Variants in CDH8 observed in about 807,000 individuals in gnomAD.
CDH8 encodes the protein cadherin 8.
A neutral mutation model predicts 68.1 loss-of-function variants in CDH8; 17 were observed. The ratio of observed to expected loss-of-function variants is 0.25; its 90% CI spans 0.17 to 0.37. CDH8 has a LOEUF of 0.37. CDH8 is among the 10% of genes least tolerant of loss of function. The pLI, the probability that CDH8 is intolerant of heterozygous loss-of-function variation, is 1.00. For synonymous variants in CDH8, 372 were observed against 365.1 expected, an observed-to-expected ratio of 1.02 and a Z score of -0.21; for missense variants, 763 against 999.3, an observed-to-expected ratio of 0.76 and a Z score of 3.19.
chr16:61,969,957 G>C (rs994318821), intron 2 of CDH8, among the ~76,000 whole-genome samples: 2 of 152,130 alleles, frequency 1.3e-5, no homozygotes, highest in Non-Finnish European at 2.9e-5. Context: ...TATAATAATG[G>C]TAACCTCCTT....
At chr16:61,779,033 G>C (rs1960971172) in intron 8 of CDH8, among the ~76,000 whole-genome samples, 1 of 152,148 alleles carries the variant, frequency 6.6e-6, no homozygotes, top group Non-Finnish European at 1.5e-5. Flanking sequence ...CCAGAGCAAT[G>C]CATTATCACT....
chr16:61,801,635 G>A (rs1011846274), intron 7 of CDH8, among the ~76,000 whole-genome samples: 5 of 152,218 alleles, frequency 3.3e-5, no homozygotes, highest in South Asian at 4.1e-4. Context: ...AAAGCAGGGC[G>A]AGGCATTGCC....
At chr16:61,773,501 T>C (rs1567463772) in intron 8 of CDH8, among the ~76,000 whole-genome samples, 1 of 152,046 alleles carries the variant, frequency 6.6e-6, no homozygotes, top group Admixed American at 6.6e-5. Context: ...TTTAGAGAAA[T>C]AATACAGATG....
At chr16:61,981,785 A>G (rs1965536652) in intron 2 of CDH8, among the ~76,000 whole-genome samples, 1 of 152,182 alleles carries the variant, frequency 6.6e-6, no homozygotes, top group African/African-American at 2.4e-5. Context: ...AATGGACAGT[A>G]ATATAATAAA....
At chr16:61,870,619 T>G (rs1963337973) in intron 3 of CDH8, among the ~76,000 whole-genome samples, 1 of 152,202 alleles carries the variant, frequency 6.6e-6, no homozygotes, top group Admixed American at 6.5e-5. Flanking sequence ...TTCAAGATTT[T>G]AATTACTGTA....
At chr16:61,889,987 A>G (rs1303841485) in intron 3 of CDH8, among the ~76,000 whole-genome samples, 3 of 152,170 alleles carry the variant, frequency 2.0e-5, no homozygotes, top group African/African-American at 7.2e-5. Context: ...AACACTTTTC[A>G]ATATTTCAAG....
intron 9 of CDH8, among the ~76,000 whole-genome samples, chr16:61,721,805 A>G (rs1959220474): frequency 6.6e-6 from 1 of 150,838 alleles, no homozygotes; most frequent in Admixed American, 6.6e-5. Context: ...TTTTAAGAGC[A>G]GACTTTAAAA....
At chr16:61,792,056 A>G (rs891111094) in intron 7 of CDH8, among the ~76,000 whole-genome samples, 1 of 152,016 alleles carries the variant, frequency 6.6e-6, no homozygotes, top group African/African-American at 2.4e-5. Context: ...ATATATTAAT[A>G]AACTTCCCTA....
rs1240730031 is a variant in CDH8 at position 61,653,549 on chromosome 16, G to A, written c.*59C>T. 19 of 1,531,026 alleles carry A rather than the reference G, an allele frequency of 1.2e-5. No homozygotes were observed. The highest frequency in any genetic ancestry group is 4.3e-5 in the Admixed American group (2 of 46,822). 94.8% of individuals were successfully genotyped at this position (1,531,026 alleles called of 1,614,324 possible). ...ATAGCCACATTGGTTGTATCTAAGG[G>A]GAGTGACCCTAGAATATTACAGAAT... On this transcript the variant is annotated 3_prime_UTR_variant, in exon 12 of 12. Transcript: ENST00000577390.
chr16:61,665,668 A>G (rs1439241116), intron 10 of CDH8, among the ~76,000 whole-genome samples: 5 of 151,918 alleles, frequency 3.3e-5, no homozygotes, highest in Non-Finnish European at 5.9e-5. Context: ...CTTTAAGTTT[A>G]AAGAAAAAAA....
chr16:61,998,316 T>C (rs138841578), intron 2 of CDH8, among the ~76,000 whole-genome samples: 1 of 152,334 alleles, frequency 6.6e-6, no homozygotes, highest in East Asian at 1.9e-4. Context: ...TGTGGTCTTC[T>C]ATGGTAAATA....
intron 9 of CDH8, among the ~76,000 whole-genome samples, chr16:61,714,494 T>C (rs1964687004): frequency 1.3e-5 from 2 of 151,632 alleles, no homozygotes; most frequent in South Asian, 4.1e-4. Context: ...ATACTGTTTT[T>C]TAAAGCTAGT....
At chr16:61,960,336 CACATAT>C (rs1965123241) in intron 2 of CDH8, among the ~76,000 whole-genome samples, 1 of 42,286 alleles carries the variant, frequency 2.4e-5, no homozygotes, top group Non-Finnish European at 3.8e-5. Context: ...TGTGTATACA[CACATAT>C]ATACATGTGT....
chr16:61,668,858 T>A (rs1331017002), intron 10 of CDH8, among the ~76,000 whole-genome samples: 7 of 152,038 alleles, frequency 4.6e-5, no homozygotes, highest in African/African-American at 1.7e-4. Flanking sequence ...AAAAGACAGA[T>A]TAATTCATTT....
chr16:61,825,411 G>T (rs1274742986), intron 4 of CDH8, among the ~76,000 whole-genome samples: 4 of 151,746 alleles, frequency 2.6e-5, no homozygotes, highest in African/African-American at 9.7e-5. Context: ...TGTATAAAAA[G>T]AACTTGCAAA....
At chr16:61,782,682 T>A (rs1016539123) in intron 8 of CDH8, among the ~76,000 whole-genome samples, 4 of 152,138 alleles carry the variant, frequency 2.6e-5, no homozygotes, top group Non-Finnish European at 5.9e-5. Flanking sequence ...CAGACTTAAA[T>A]GTCCCTGTCT....
chr16:61,847,503 GTTAA>G (rs922252903), intron 4 of CDH8, among the ~76,000 whole-genome samples: 13 of 146,436 alleles, frequency 8.9e-5, no homozygotes, highest in Admixed American at 1.4e-4. Context: ...GGTCTCCAAT[GTTAA>G]TTAACCCCCT....
chr16:61,830,454 C>T (rs1199292162), intron 4 of CDH8, among the ~76,000 whole-genome samples: 1 of 151,708 alleles, frequency 6.6e-6, no homozygotes, highest in Non-Finnish European at 1.5e-5. Flanking sequence ...TTCTAAAAAG[C>T]CAGAGAGAGG....
chr16:61,680,924 A>G (rs2142799929), intron 10 of CDH8, among the ~76,000 whole-genome samples: 1 of 152,046 alleles, frequency 6.6e-6, no homozygotes, highest in Non-Finnish European at 1.5e-5. Flanking sequence ...GGCATTAGAA[A>G]TTCATTACAC....
Sources: allele counts gnomAD v4.1 joint callset (sites outside exome capture counted in the v4.1 genomes callset), GRCh38; gene constraint gnomAD v4.1.1; transcripts MANE v1.5; gene names NCBI Gene and HGNC (gene_info 2026-07-23, HGNC 2026-07-21).